DNAH3: variants seen among roughly 807,000 people sequenced by gnomAD.
DNAH3 encodes axonemal beta dynein heavy chain 3.
Under a neutral mutation model 432.5 loss-of-function variants are expected in DNAH3, and 332 were observed. The ratio of observed to expected loss-of-function variants is 0.77; its 90% CI spans 0.70 to 0.84. The LOEUF is 0.84. DNAH3 is among the 40% of genes least tolerant of loss of function. The probability of loss-of-function intolerance (pLI) is 0.00; values close to 1 mark genes in which losing one functional copy is unlikely to be tolerated. For synonymous variants in DNAH3, 1,956 were observed against 1,900.2 expected (o/e 1.03, Z -0.76); for missense variants, 4,861 against 5,114.0 (o/e 0.95, Z 1.51).
intron 57 of DNAH3, among the ~76,000 whole-genome samples, chr16:20,947,608 T>G (rs1175150156): frequency 6.6e-6 from 1 of 152,088 alleles, no homozygotes; most frequent in East Asian, 1.9e-4. Flanking sequence ...GGACACCCAG[T>G]TGGTGTCCAC....
chr16:21,039,105 T>C (rs2089305101), intron 33 of DNAH3, among the ~76,000 whole-genome samples: 1 of 152,070 alleles, frequency 6.6e-6, no homozygotes, highest in Non-Finnish European at 1.5e-5. Flanking sequence ...CTTAGAAAAC[T>C]GGACAATACT....
intron 41 of DNAH3, among the ~76,000 whole-genome samples, chr16:21,012,763 AT>A (rs1054445932): frequency 6.6e-6 from 1 of 151,482 alleles, no homozygotes; most frequent in African/African-American, 2.4e-5. Context: ...ACACTTTTTA[AT>A]TTTTTTTTAG....
intron 39 of DNAH3, among the ~76,000 whole-genome samples, chr16:21,024,243 T>C (rs1412355661): frequency 1.3e-5 from 2 of 152,120 alleles, no homozygotes; most frequent in South Asian, 2.1e-4. Flanking sequence ...GGCCCATCTC[T>C]AGAGAAACTT....
chr16:21,125,134 T>C, intron 9 of DNAH3, 41 bp downstream of exon 10: 1 of 1,514,538 alleles, frequency 6.6e-7, no homozygotes, highest in Non-Finnish European at 8.9e-7. Context: ...AGTAACCAGG[T>C]TATTCCCCTC....
chr16:20,933,174 G>A lies in DNAH3; in HGVS notation c.12331C>T (p.Leu4111=), dbSNP rs780243514. 2.1e-5 allele frequency: 34 copies of A among 1,613,418 alleles called. No individual in the cohort carries two copies. The South Asian group carries it at 3.7e-4, about 18-fold the overall frequency. ...TGCCATCAGTTATCCAGCTGGCACA[G>A]TGAGGCCACCCCTCGGTTTATCCAG... Residue 4111 remains leucine (L), a synonymous_variant, in exon 62 of 62, where the codon CTG becomes TTG. Coordinates refer to ENST00000261383, the Ensembl canonical transcript of DNAH3.
intron 57 of DNAH3, among the ~76,000 whole-genome samples, chr16:20,946,886 G>A (rs2084072317): frequency 7.0e-6 from 1 of 142,336 alleles, no homozygotes; most frequent in African/African-American, 2.6e-5. Context: ...GTGCAGTGGT[G>A]GGACCTTGGT....
At chr16:20,975,308 A>G in exon 51 of DNAH3, 1 of 1,614,028 alleles carries the variant, frequency 6.2e-7, no homozygotes, top group Non-Finnish European at 8.5e-7. Flanking sequence ...TCTTTCCATC[A>G]GCTTCTCTCG....
At chr16:21,156,135 G>C (rs1266249413) in intron 1 of DNAH3, among the ~76,000 whole-genome samples, 2 of 151,780 alleles carry the variant, frequency 1.3e-5, no homozygotes, top group Non-Finnish European at 2.9e-5. Flanking sequence ...GGTGGAAAGA[G>C]GGTAAGAGAG....
intron 56 of DNAH3, 59 bp from the exon 57 acceptor site, chr16:20,948,696 G>T: frequency 6.3e-7 from 1 of 1,583,174 alleles, no homozygotes; most frequent in Non-Finnish European, 8.7e-7. Flanking sequence ...CGAGCTTGGT[G>T]GTTGATGTAA....
chr16:21,121,940 T>C lies in DNAH3; in HGVS notation c.1584+5A>G, dbSNP rs367857680. On this transcript the variant is annotated splice_donor_5th_base_variant and intron_variant, in intron 10 of 61. Coordinates refer to ENST00000261383, the Ensembl canonical transcript of DNAH3. ...TGCAAATGAATGATTAAGTGACTAC[T>C]ATACCTTGGGGATCCCATTAGAGTT... The C allele has an allele frequency of 2.6e-4, 414 of 1,605,528 alleles. 5 individuals are homozygous for C. The highest frequency in any genetic ancestry group is 2.5e-3 in the South Asian group (222 of 89,174).
At chr16:21,126,342 T>C (rs538575895) in intron 8 of DNAH3, among the ~76,000 whole-genome samples, 3 of 152,280 alleles carry the variant, frequency 2.0e-5, no homozygotes, top group South Asian at 2.1e-4. Flanking sequence ...GCACTACTAC[T>C]GGTTGTAGTC....
chr16:20,953,615 T>C (rs967595042), intron 55 of DNAH3, among the ~76,000 whole-genome samples: 3 of 152,108 alleles, frequency 2.0e-5, no homozygotes, highest in African/African-American at 7.2e-5. Flanking sequence ...CTCGTTCTTT[T>C]GCCCAGTCTA....
At chr16:21,061,813 T>C (rs1237154378) in intron 25 of DNAH3, among the ~76,000 whole-genome samples, 1 of 152,238 alleles carries the variant, frequency 6.6e-6, no homozygotes, top group East Asian at 1.9e-4. Context: ...GAAATTCAAA[T>C]ATGCCCCAAA....
intron 41 of DNAH3, 46 bp from the exon 42 acceptor site, chr16:21,003,253 A>G: frequency 7.7e-7 from 1 of 1,299,582 alleles, no homozygotes; most frequent in East Asian, 2.3e-5. Context: ...TGAAGGCTTT[A>G]CTTGCCTCCC....
chr16:20,980,801 C>T (rs2085861992), intron 49 of DNAH3, among the ~76,000 whole-genome samples: 3 of 152,142 alleles, frequency 2.0e-5, no homozygotes, highest in Non-Finnish European at 4.4e-5. Context: ...TAGTAATATA[C>T]ATGCTGCTTT....
chr16:21,051,388 T>C (rs1223510595), intron 29 of DNAH3, among the ~76,000 whole-genome samples: 1 of 152,208 alleles, frequency 6.6e-6, no homozygotes, highest in Non-Finnish European at 1.5e-5. Flanking sequence ...ATTCCTGCCA[T>C]TGGAGAGCCC....
rs145646333 is a variant in DNAH3 at position 21,037,915 on chromosome 16, T to C, written c.4796A>G (p.Tyr1599Cys). The change falls in exon 34 of 62, where the codon TAT becomes TGT. Residue 1599 changes from tyrosine to cysteine, a missense_variant. Coordinates refer to ENST00000261383, the Ensembl canonical transcript of DNAH3. ...CTTGACAGCGCGCATACCGTAGTCATAGTGATGCTGAGAGGACAGTTGTTC... is the reference window on the plus strand; with the variant it reads ...CTTGACAGCGCGCATACCGTAGTCACAGTGATGCTGAGAGGACAGTTGTTC... 4.2e-5 allele frequency: 68 copies of C among 1,614,002 alleles called. No homozygotes were observed. The African/African-American group carries it at 7.5e-4, about 18-fold the overall frequency.
chr16:20,973,693 AGCCCTTAC>A, intron 51 of DNAH3, among the ~76,000 whole-genome samples: 1 of 152,376 alleles, frequency 6.6e-6, no homozygotes, highest in East Asian at 1.9e-4. Context: ...ACGTAGGTCA[AGCCCTTAC>A]CAGGACTATT....
At chr16:20,948,398 C>T in intron 57 of DNAH3, 85 bp downstream of exon 57, 1 of 1,419,266 alleles carries the variant, frequency 7.0e-7, no homozygotes, top group Non-Finnish European at 9.6e-7. Flanking sequence ...CCCTGGGATC[C>T]CTGGCTACAC....
Sources: allele counts gnomAD v4.1 joint callset (sites outside exome capture counted in the v4.1 genomes callset), GRCh38; gene constraint gnomAD v4.1.1; transcripts MANE v1.5; gene names NCBI Gene and HGNC (gene_info 2026-07-23, HGNC 2026-07-21).